The following CFAP99 variants were observed in gnomAD, a reference collection of about 807,000 sequenced individuals.
CFAP99 encodes cilia and flagella associated protein 99.
In CFAP99, 84 loss-of-function variants were observed where a neutral mutation model predicts 82.7. The observed-to-expected ratio is 1.02, with a 90% CI of 0.85 to 1.22. The LOEUF is 1.22. Ranked by LOEUF, CFAP99 falls within the 50% of genes most tolerant of loss-of-function variation. CFAP99 has a pLI of 0.00. For synonymous variants in CFAP99, 456 were observed against 429.5 expected, an observed-to-expected ratio of 1.06 and a Z score of -0.76; for missense variants, 1,059 against 983.5, an observed-to-expected ratio of 1.08 and a Z score of -1.03.
In CFAP99 at chr4:2,448,775, A is replaced by C. The variant is rs1168150811; in HGVS notation, c.643-895A>C. On this transcript the variant is annotated intron_variant, in intron 6 of 14. Coordinates refer to ENST00000635017, the Ensembl canonical transcript of CFAP99. This position sits in a 1 kb window ranked among gnomAD's most constrained non-coding sequence, Gnocchi z 5.2. The stretch of plus-strand genomic sequence containing the variant: ...GAAGGCGGGGTACCGGTCTGGTCAC[A>C]CATCCACTGGAGGGAGCAGAGACAG... 3.9e-5 allele frequency among the ~76,000 whole-genome samples: 6 copies of C among 152,232 alleles called. No individual in the cohort carries two copies. The highest frequency in any genetic ancestry group is 7.3e-5 in the Non-Finnish European group (5 of 68,034).
intron 2 of CFAP99, 76 bp downstream of exon 2, chr4:2,426,662 A>G (rs776345444): frequency 1.1e-6 from 1 of 924,180 alleles, no homozygotes; most frequent in Non-Finnish European, 1.7e-6. Context: ...AACAGCATCA[A>G]ATGCCTTCCT....
intron 4 of CFAP99, among the ~76,000 whole-genome samples, chr4:2,441,480 A>G (rs1578472871): frequency 6.6e-6 from 1 of 152,130 alleles, no homozygotes; most frequent in East Asian, 1.9e-4. Flanking sequence ...CAGAGCCCCA[A>G]AGCGCCAGCC....
intron 8 of CFAP99, 36 bp downstream of exon 8, chr4:2,450,041 T>C: frequency 6.5e-7 from 1 of 1,528,230 alleles, no homozygotes; most frequent in Non-Finnish European, 8.8e-7. Context: ...ATCATCGAGG[T>C]GCCATCTTCT....
chr4:2,455,711 C>T (rs1391469635), intron 11 of CFAP99, among the ~76,000 whole-genome samples: 1 of 152,086 alleles, frequency 6.6e-6, no homozygotes, highest in East Asian at 1.9e-4. Context: ...AAATGCCGCT[C>T]TCCTCACACC....
chr4:2,421,725 G>GA (rs146309418), intron 1 of CFAP99, among the ~76,000 whole-genome samples: 1 of 151,900 alleles, frequency 6.6e-6, no homozygotes, highest in East Asian at 1.9e-4. Context: ...ATCAATATGA[G>GA]AAAAAAATCT....
At chr4:2,426,897 A>C in intron 2 of CFAP99, 1 of 293,732 alleles carries the variant, frequency 3.4e-6, no homozygotes, top group Non-Finnish European at 6.6e-6. Context: ...CCCCACCCCC[A>C]CTTTGGGGGG....
intron 4 of CFAP99, among the ~76,000 whole-genome samples, chr4:2,440,322 A>G (rs1228319108): frequency 1.5e-5 from 2 of 129,264 alleles, no homozygotes; most frequent in Non-Finnish European, 3.3e-5. Context: ...AATTTTTTGT[A>G]TTTTTAGTAG....
chr4:2,461,742 C>G (rs1734625845), intron 14 of CFAP99, among the ~76,000 whole-genome samples: 1 of 152,148 alleles, frequency 6.6e-6, no homozygotes, highest in Non-Finnish European at 1.5e-5. Flanking sequence ...GGGAACAGCA[C>G]ATGCAAATAT....
Position 2,438,205 on chromosome 4 carries a change from G to T in CFAP99, c.351+41G>T, listed in dbSNP as rs1308702. The T allele has an allele frequency of 8.8e-5, 103 of 1,169,406 alleles. 1 individual carries two copies. The East Asian group carries it at 2.3e-3, about 26-fold the overall frequency. 72.4% of individuals were successfully genotyped at this position (1,169,406 alleles called of 1,614,324 possible). On this transcript the variant is annotated intron_variant, in intron 4 of 14. Transcript: ENST00000635017. ...CTGCCCACCAGGCCACGAGGCCCAC[G>T]GGTGAGGTCCGTCTGATCCTCGCCC...
In CFAP99 at chr4:2,443,428, C is replaced by T. The variant is rs547071066; in HGVS notation, c.464+186C>T. ...AAGTCCCAGGCTGGCCCCACAGCCT[C>T]GCGGGGAGGAAAAGACGTGGTCCAA... On this transcript the variant is annotated intron_variant, in intron 5 of 14. Transcript: ENST00000635017. 2.6e-5 allele frequency among the ~76,000 whole-genome samples: 4 copies of T among 152,350 alleles called. No individual in the cohort carries two copies. In the East Asian group the frequency reaches 7.7e-4, roughly 29 times the overall value.
chr4:2,459,010 C>T (rs902977111), intron 12 of CFAP99, 97 bp from the exon 13 acceptor site: 128 of 1,448,050 alleles, frequency 8.8e-5, no homozygotes, highest in Non-Finnish European at 1.1e-4. Context: ...GCACTGAGGC[C>T]AGAGTCCTGG....
In CFAP99 at chr4:2,446,267, T is replaced by G. The variant is rs1303675861; in HGVS notation, c.642+959T>G. On this transcript the variant is annotated intron_variant, in intron 6 of 14. Coordinates refer to ENST00000635017, the Ensembl canonical transcript of CFAP99. This position sits in a 1 kb window ranked among gnomAD's most constrained non-coding sequence, Gnocchi z 5.0. ...TCTTCACCGAATTGGAGTTTAGAGT[T>G]GTTTAGTAATTTGTGGGCCTGCCTA... is the stretch of plus-strand genomic sequence containing the variant. 6.6e-6 allele frequency among the ~76,000 whole-genome samples: 1 copy of G among 152,210 alleles called. No homozygotes were observed. The highest frequency in any genetic ancestry group is 1.5e-5 in the Non-Finnish European group (1 of 68,038).
rs550740183 is a variant in CFAP99 at position 2,459,229 on chromosome 4, C to T, written c.1426C>T (p.Arg476Cys). 153 of 1,535,288 alleles carry T rather than the reference C, an allele frequency of 1.0e-4. No individual in the cohort carries two copies. Among genetic ancestry groups the T allele is most frequent in the Admixed American group, 3.9e-4 (20 of 50,946 alleles). Residue 476 changes from arginine (R) to cysteine (C), a missense_variant, in exon 13 of 15, where the codon CGC becomes TGC. Arg to Cys is a radical substitution (Grantham distance 180). Transcript: ENST00000635017. ...GCGCGCACTCGAGACACAGCCCACG[C>T]GCAAGGGCAAGCTCGTGGACCTGAC... is the stretch of plus-strand genomic sequence containing the variant.
At chr4:2,438,332 A>G (rs531979825) in intron 4 of CFAP99, among the ~76,000 whole-genome samples, 168 bp downstream of exon 4, 7 of 152,132 alleles carry the variant, frequency 4.6e-5, no homozygotes, top group Non-Finnish European at 8.8e-5. Context: ...GCGCGATCTC[A>G]GCTCACTGCA....
rs9997318 is a variant in CFAP99, at chr4:2,458,450, A to G, written c.1162-273A>G. ...ACTGGGTCTCTAGGGCTACTACAGC[A>G]AAGTACCACAAACTGGGTGGCTTCA... On this transcript the variant is annotated intron_variant, in intron 11 of 14. Transcript: ENST00000635017. Among the ~76,000 whole-genome samples, 842 of 152,210 alleles carry G rather than the reference A, an allele frequency of 5.5e-3. 1 individual carries two copies. Among genetic ancestry groups the G allele is most frequent in the African/African-American group, 0.019 (771 of 41,524 alleles).
chr4:2,435,399 A>C (rs565451794), intron 2 of CFAP99, among the ~76,000 whole-genome samples: 1 of 152,244 alleles, frequency 6.6e-6, no homozygotes, highest in East Asian at 1.9e-4. Context: ...GCCCAAAAAT[A>C]TTTTATACAA....
In CFAP99 at chr4:2,462,483, C is replaced by T; in HGVS notation, c.1702C>T (p.Pro568Ser). The change falls in exon 15 of 15, where the codon CCC (proline) becomes TCC (serine). Residue 568 changes from proline (P) to serine (S), a missense_variant. Physicochemically the swap from Pro to Ser is moderately conservative, Grantham distance 74. Transcript: ENST00000635017. The surrounding 1 kb of genome is among the most constrained non-coding windows in gnomAD (Gnocchi z 4.1). ...GGCCCTTGCGGCGGCCCCGGCGGCG[C>T]CCTCGCAGGACGAGCGCGTGCAGCA... 1 of 1,473,344 alleles carries T rather than the reference C, an allele frequency of 6.8e-7. No individual in the cohort carries two copies. Among genetic ancestry groups the T allele is most frequent in the Non-Finnish European group, 8.9e-7 (1 of 1,121,996 alleles). 91.3% of individuals were successfully genotyped at this position (1,473,344 alleles called of 1,614,324 possible). A position where few individuals can be genotyped will look rare whatever the true frequency, so the allele number is the denominator to read the frequency against.
At chr4:2,460,767 T>C (rs1734604159) in intron 14 of CFAP99, among the ~76,000 whole-genome samples, 1 of 152,216 alleles carries the variant, frequency 6.6e-6, no homozygotes, top group African/African-American at 2.4e-5. Flanking sequence ...TTTTTGTTTT[T>C]TGAGACAGAG....
At chr4:2,453,584 T>G (rs1287128729) in intron 11 of CFAP99, among the ~76,000 whole-genome samples, 1 of 152,190 alleles carries the variant, frequency 6.6e-6, no homozygotes, top group East Asian at 1.9e-4. Flanking sequence ...AGAAATAGTA[T>G]CTTGGTATAG....
Sources: allele counts gnomAD v4.1 joint callset (sites outside exome capture counted in the v4.1 genomes callset), GRCh38; gene constraint gnomAD v4.1.1; non-coding constraint Gnocchi (gnomAD v3.1); transcripts MANE v1.5; gene names NCBI Gene and HGNC (gene_info 2026-07-23, HGNC 2026-07-21).